SLC39A10: variants seen among roughly 807,000 people sequenced by gnomAD.
SLC39A10 encodes zinc transporter ZIP10.
A neutral mutation model predicts 65.1 loss-of-function variants in SLC39A10; 13 were observed. That is an observed-to-expected ratio of 0.20 (90% confidence interval 0.13 to 0.32). SLC39A10 has a LOEUF of 0.32. SLC39A10 is among the 10% of genes least tolerant of loss of function. The probability of loss-of-function intolerance (pLI) is 1.00; values close to 1 mark genes in which losing one functional copy is unlikely to be tolerated. For synonymous variants in SLC39A10, 321 were observed against 342.2 expected (o/e 0.94, Z 0.68); for missense variants, 831 against 1,018.4 (o/e 0.82, Z 2.50).
intron 1 of SLC39A10, among the ~76,000 whole-genome samples, chr2:195,664,113 A>G (rs1689537038): frequency 6.6e-6 from 1 of 152,180 alleles, no homozygotes; most frequent in Admixed American, 6.5e-5. Flanking sequence ...TCACTGAAAT[A>G]TATTAAGAAA....
At chr2:195,676,347 G>A (rs566441395) in intron 1 of SLC39A10, among the ~76,000 whole-genome samples, 10 of 149,152 alleles carry the variant, frequency 6.7e-5, no homozygotes, top group South Asian at 4.2e-4. Flanking sequence ...CTGCCACAGC[G>A]CCTGGCCTAT....
chr2:195,672,737 C>A (rs537088609), intron 1 of SLC39A10, among the ~76,000 whole-genome samples: 1 of 152,112 alleles, frequency 6.6e-6, no homozygotes, highest in Non-Finnish European at 1.5e-5. Context: ...GATGTCTGAT[C>A]AATATATATG....
At chr2:195,697,355 C>T (rs559227424) in intron 3 of SLC39A10, among the ~76,000 whole-genome samples, 1 of 152,108 alleles carries the variant, frequency 6.6e-6, no homozygotes, top group Admixed American at 6.6e-5. Context: ...GTCTTCCAAT[C>T]CGTGAACATG....
intron 5 of SLC39A10, among the ~76,000 whole-genome samples, chr2:195,710,591 A>T (rs1444841762): frequency 2.0e-5 from 3 of 152,206 alleles, no homozygotes; most frequent in Admixed American, 6.5e-5. Flanking sequence ...CTCACTCCTC[A>T]TGATTTCCAG....
intron 2 of SLC39A10, 66 bp from the exon 3 acceptor site, chr2:195,683,633 T>C (rs931404239): frequency 1.3e-5 from 15 of 1,194,714 alleles, no homozygotes; most frequent in Non-Finnish European, 1.8e-5. Flanking sequence ...TAGGCAGTAA[T>C]TTATTTTTTT....
intron 1 of SLC39A10, among the ~76,000 whole-genome samples, chr2:195,659,620 A>C (rs1689303981): frequency 6.6e-6 from 1 of 152,174 alleles, no homozygotes; most frequent in Admixed American, 6.5e-5. Context: ...TTTGGAGTGA[A>C]ATTTTAAAAG....
intron 2 of SLC39A10, among the ~76,000 whole-genome samples, chr2:195,613,570 A>T (rs1283869553): frequency 6.6e-6 from 1 of 152,166 alleles, no homozygotes; most frequent in Admixed American, 6.5e-5. Flanking sequence ...GAAGTGTTTT[A>T]TTTTTGCTCC....
At chr2:195,614,033 C>T (rs996747229) in intron 2 of SLC39A10, among the ~76,000 whole-genome samples, 1 of 152,134 alleles carries the variant, frequency 6.6e-6, no homozygotes, top group Non-Finnish European at 1.5e-5. Flanking sequence ...TGTTGACAGT[C>T]TCTAGTCTCT....
chr2:195,627,123 A>G (rs13425852), intron 2 of SLC39A10, among the ~76,000 whole-genome samples: 1 of 152,232 alleles, frequency 6.6e-6, no homozygotes, highest in Non-Finnish European at 1.5e-5. Flanking sequence ...TGAAGAATTC[A>G]CTATTACCTA....
chr2:195,698,526 A>G (rs1411577184), intron 3 of SLC39A10, among the ~76,000 whole-genome samples: 1 of 151,932 alleles, frequency 6.6e-6, no homozygotes, highest in East Asian at 1.9e-4. Flanking sequence ...TTTGATCATG[A>G]GAGGATATTG....
intron 6 of SLC39A10, among the ~76,000 whole-genome samples, chr2:195,715,138 T>C (rs566307620): frequency 4.7e-4 from 72 of 152,318 alleles, no homozygotes; most frequent in African/African-American, 1.6e-3. Flanking sequence ...AAATATTTCC[T>C]ATAATAGCTG....
chr2:195,663,060 G>A (rs1689469583), intron 1 of SLC39A10, among the ~76,000 whole-genome samples: 1 of 152,104 alleles, frequency 6.6e-6, no homozygotes, highest in African/African-American at 2.4e-5. Flanking sequence ...GGTTACCACC[G>A]AACTGTCACA....
chr2:195,679,991 G>A, intron 1 of SLC39A10, 41 bp from the exon 2 acceptor site: 1 of 1,497,554 alleles, frequency 6.7e-7, no homozygotes, highest in South Asian at 1.4e-5. Context: ...AATGTGTCTA[G>A]GTAGAAACTA....
intron 1 of SLC39A10, among the ~76,000 whole-genome samples, chr2:195,669,165 A>G (rs1469429916): frequency 2.6e-5 from 4 of 151,698 alleles, no homozygotes; most frequent in Non-Finnish European, 5.9e-5. Flanking sequence ...TTTTCTTACT[A>G]TGTCAGACAG....
intron 3 of SLC39A10, among the ~76,000 whole-genome samples, chr2:195,696,319 GAAA>G (rs67651617): frequency 0.44 from 62,501 of 140,850 alleles, 14,372 homozygotes; most frequent in Non-Finnish European, 0.53. Context: ...TTTTATTTCT[GAAA>G]AAAAAAAAAA....
chr2:195,703,648 A>G (rs2105806455), intron 3 of SLC39A10, among the ~76,000 whole-genome samples: 1 of 152,280 alleles, frequency 6.6e-6, no homozygotes, highest in Admixed American at 6.5e-5. Flanking sequence ...TCAAAACACT[A>G]TTCCACAAAA....
chr2:195,626,329 A>G (rs546576412), intron 2 of SLC39A10, among the ~76,000 whole-genome samples: 230 of 152,234 alleles, frequency 1.5e-3, no homozygotes, highest in African/African-American at 5.0e-3. Context: ...CTTATGACCA[A>G]AAACCCTAAA....
At chr2:195,647,818 C>A (rs1405616777) in intron 2 of SLC39A10, among the ~76,000 whole-genome samples, 1 of 151,950 alleles carries the variant, frequency 6.6e-6, no homozygotes, top group Non-Finnish European at 1.5e-5. Context: ...CACAAACTTT[C>A]TATTTTTTAA....
chr2:195,673,114 A>G (rs1216703807), intron 1 of SLC39A10, among the ~76,000 whole-genome samples: 1 of 152,238 alleles, frequency 6.6e-6, no homozygotes, highest in East Asian at 1.9e-4. Flanking sequence ...TAACCTATAT[A>G]TGCCATATAT....
Sources: gnomAD v4.1 joint callset for allele counts (sites outside exome capture counted in the v4.1 genomes callset) on GRCh38, gnomAD v4.1.1 for gene constraint, MANE v1.5 for transcripts, NCBI Gene and HGNC (gene_info 2026-07-23, HGNC 2026-07-21) for gene names.